Variants in SLC35F6 observed in about 807,000 individuals in gnomAD.
SLC35F6 encodes the protein solute carrier family 35 member F6.
Under a neutral mutation model 29.4 loss-of-function variants are expected in SLC35F6, and 26 were observed. That is an observed-to-expected ratio of 0.89 (90% CI 0.65 to 1.23). The LOEUF is 1.23. SLC35F6 is among the 50% of genes most tolerant of loss of function. SLC35F6 has a pLI of 0.00. For missense variants in SLC35F6, 428 were observed against 487.8 expected (o/e 0.88, Z 1.15); for synonymous variants, 174 against 206.6 (o/e 0.84, Z 1.35).
At chr2:26,771,831 C>G (rs1664201859) in intron 1 of SLC35F6, among the ~76,000 whole-genome samples, 1 of 151,968 alleles carries the variant, frequency 6.6e-6, no homozygotes, top group African/African-American at 2.4e-5. Flanking sequence ...AAGTGAGACT[C>G]CAGCCCATGA....
intron 1 of SLC35F6, among the ~76,000 whole-genome samples, chr2:26,772,210 G>A (rs947303535): frequency 6.6e-5 from 10 of 152,040 alleles, no homozygotes; most frequent in Admixed American, 6.5e-4. Flanking sequence ...CCCTAACTGC[G>A]GCACAACCAG....
Position 26,775,628 on chromosome 2 carries a change from C to A in SLC35F6, c.487C>A (p.Leu163Ile). 4 of 1,603,334 alleles carry A rather than the reference C, an allele frequency of 2.5e-6. No individual in the cohort carries two copies. Among genetic ancestry groups the A allele is most frequent in the Non-Finnish European group, 3.4e-6 (4 of 1,177,454 alleles). ...GCTGGTGGTCGTGGGCCTGGCTGAC[C>A]TCCTGAGCAAGCACGACAGTCAGCA... Reference protein sequence around the residue: ...AGLVVVGLADLLSKHDSQHKL... With the variant: ...AGLVVVGLADILSKHDSQHKL... The change falls in exon 4 of 6, where the codon CTC becomes ATC. Residue 163 changes from leucine (L) to isoleucine (I), a missense_variant. Transcript: ENST00000344420. The surrounding 1 kb of genome is among the most constrained non-coding windows in gnomAD (Gnocchi z 4.6).
Position 26,764,442 on chromosome 2 carries a change from G to T in SLC35F6, c.77+16G>T, listed in dbSNP as rs1438322415. On this transcript the variant is annotated intron_variant, in intron 1 of 5. Transcript: ENST00000344420. ...TCTCGGCAAAGTGAGTCTGGGCCCT[G>T]CCGGGCGTGCGGGCCCTGGCGACCC... 6.4e-7 allele frequency: 1 copy of T among 1,550,772 alleles called. No homozygotes were observed. Among genetic ancestry groups the T allele is most frequent in the Non-Finnish European group, 8.7e-7 (1 of 1,146,772 alleles).
chr2:26,775,742 A>G lies in SLC35F6; in HGVS notation c.535+66A>G, dbSNP rs1664287919. 1 of 1,466,750 alleles carries G rather than the reference A, an allele frequency of 6.8e-7. No homozygotes were observed. The highest frequency in any genetic ancestry group is 2.3e-5 in the Admixed American group (1 of 44,332). 90.9% of individuals were successfully genotyped at this position (1,466,750 alleles called of 1,614,324 possible). On this transcript the variant is annotated intron_variant, in intron 4 of 5. Coordinates refer to ENST00000344420, the MANE Select transcript of SLC35F6 (RefSeq NM_017877.4). The surrounding 1 kb of genome is among the most constrained non-coding windows in gnomAD (Gnocchi z 4.6). Reference sequence around the variant, plus strand: ...CCTGTCCTCCTTGGGAGCCCAGCACAGACTCATACAAGCTCTGCCATGTGC... The same window carrying G: ...CCTGTCCTCCTTGGGAGCCCAGCACGGACTCATACAAGCTCTGCCATGTGC...
At position 26,764,324 on chromosome 2, in the gene SLC35F6, T is replaced by C. The variant is rs753331655; in HGVS notation, c.-26T>C. 1.9e-6 allele frequency: 3 copies of C among 1,548,616 alleles called. No homozygotes were observed. Among genetic ancestry groups the C allele is most frequent in the South Asian group, 1.2e-5 (1 of 83,996 alleles). The stretch of plus-strand genomic sequence containing the variant: ...GGTGACGGGGCCCGGCGCCGCTAAC[T>C]GGAGCGAACCCCAGCGTCCGCCGAC... On this transcript the variant is annotated 5_prime_UTR_variant, in exon 1 of 6. Coordinates refer to ENST00000344420, the MANE Select transcript of SLC35F6 (RefSeq NM_017877.4).
intron 1 of SLC35F6, among the ~76,000 whole-genome samples, chr2:26,769,381 C>A: frequency 6.6e-6 from 1 of 152,214 alleles, no homozygotes; most frequent in East Asian, 1.9e-4. Context: ...AGGTCATCTC[C>A]CCTAGAATAC....
chr2:26,778,605 G>C lies in SLC35F6; in HGVS notation c.*94G>C. On this transcript the variant is annotated 3_prime_UTR_variant, in exon 6 of 6. Transcript: ENST00000344420. The stretch of plus-strand genomic sequence containing the variant: ...TGGGCCCCGAATGCCCTATCCCCAA[G>C]GCCTCACCCTGTCCCCTCCCTGCAG... 8.1e-7 allele frequency: 1 copy of C among 1,234,922 alleles called. No homozygotes were observed. Among genetic ancestry groups the C allele is most frequent in the Non-Finnish European group, 1.1e-6 (1 of 913,254 alleles). 76.5% of individuals were successfully genotyped at this position (1,234,922 alleles called of 1,614,324 possible).
chr2:26,764,643 G>C (rs2148053174), intron 1 of SLC35F6, among the ~76,000 whole-genome samples: 1 of 152,340 alleles, frequency 6.6e-6, no homozygotes, highest in Admixed American at 6.5e-5. Context: ...GCTTTGATTT[G>C]CTGTACAGCC....
rs370773237 is a variant in SLC35F6, at chr2:26,775,143, C to T, written c.250C>T (p.Gln84Ter). 6.2e-7 allele frequency: 1 copy of T among 1,614,148 alleles called. No individual in the cohort carries two copies. Among genetic ancestry groups the T allele is most frequent in the Non-Finnish European group, 8.5e-7 (1 of 1,180,026 alleles). Residue 84 changes from glutamine (Q) to a stop codon, truncating the protein, a stop_gained, in exon 3 of 6, where the codon CAG becomes TAG. Transcript: ENST00000344420. LOFTEE classifies it high-confidence loss of function. This position sits in a 1 kb window ranked among gnomAD's most constrained non-coding sequence, Gnocchi z 4.6. ...ATCAGACTCCAGCGTAGACCCCCAG[C>T]AGCCCTTCAACCCTCTTCTTTTCCT... is the stretch of plus-strand genomic sequence containing the variant. ...GQSDSSVDPQ[Q>*]PFNPLLFLPP...
rs1000838968 is a variant in SLC35F6, at chr2:26,764,475, C to G, written c.77+49C>G. On this transcript the variant is annotated intron_variant, in intron 1 of 5. Transcript: ENST00000344420. ...TGCGGGCCCTGGCGACCCCGGCGCT[C>G]GTTCTACGCCTTCCCCCTTCTTGGC... 7 of 1,543,718 alleles carry G rather than the reference C, an allele frequency of 4.5e-6. No homozygotes were observed. In the Admixed American group the frequency reaches 1.4e-4, roughly 30 times the overall value.
At chr2:26,768,062 G>A (rs571035265) in intron 1 of SLC35F6, among the ~76,000 whole-genome samples, 11 of 152,338 alleles carry the variant, frequency 7.2e-5, no homozygotes, top group Admixed American at 5.9e-4. Flanking sequence ...AGAGGTGTTT[G>A]CTCTTCTTCT....
chr2:26,778,666 A>C lies in SLC35F6; in HGVS notation c.*155A>C. The stretch of plus-strand genomic sequence containing the variant: ...GCAGCTGCTGCCACAGAAGATAACA[A>C]CACCCAAGTCCTCTTTTTCTCACTA... On this transcript the variant is annotated 3_prime_UTR_variant, in exon 6 of 6. Transcript: ENST00000344420. The C allele has an allele frequency of 7.2e-6, 5 of 692,290 alleles. No individual in the cohort carries two copies. Among genetic ancestry groups the C allele is most frequent in the Non-Finnish European group, 1.2e-5 (5 of 425,552 alleles). 42.9% of individuals were successfully genotyped at this position (692,290 alleles called of 1,614,324 possible).
At chr2:26,772,430 G>A (rs1480909669) in intron 1 of SLC35F6, among the ~76,000 whole-genome samples, 1 of 152,264 alleles carries the variant, frequency 6.6e-6, no homozygotes, top group Non-Finnish European at 1.5e-5. Flanking sequence ...TGCCTATGCA[G>A]GATATGCTGC....
chr2:26,766,715 C>A (rs746597442), intron 1 of SLC35F6, among the ~76,000 whole-genome samples: 16 of 152,314 alleles, frequency 1.1e-4, no homozygotes, highest in Non-Finnish European at 1.9e-4. Flanking sequence ...ACCTCGCATG[C>A]CCCAGGCCCT....
In SLC35F6 at chr2:26,778,754, TC is replaced by T. The variant is rs1664354201; in HGVS notation, c.*244del. The T allele has an allele frequency of 9.7e-6, 5 of 513,418 alleles. No homozygotes were observed. Among genetic ancestry groups the T allele is most frequent in the Non-Finnish European group, 1.0e-5 (3 of 290,356 alleles). The allele number at this position is 513,418 out of a possible 1,614,324, so 31.8% of individuals were successfully genotyped here. On this transcript the variant is annotated 3_prime_UTR_variant, in exon 6 of 6. Coordinates refer to ENST00000344420, the MANE Select transcript of SLC35F6 (RefSeq NM_017877.4). ...TGAGTGCAGTGGCAGACCTCAGCTC[TC>T]TGGACCCCTCCTACAGCACTAGAGC...
intron 5 of SLC35F6, among the ~76,000 whole-genome samples, chr2:26,777,307 T>G (rs1466143590): frequency 6.6e-6 from 1 of 152,194 alleles, no homozygotes; most frequent in African/African-American, 2.4e-5. Context: ...GCAAGTAGAT[T>G]TAGACTTTAA....
At chr2:26,770,452 T>C (rs1664177186) in intron 1 of SLC35F6, among the ~76,000 whole-genome samples, 1 of 152,010 alleles carries the variant, frequency 6.6e-6, no homozygotes, top group Non-Finnish European at 1.5e-5. Flanking sequence ...ACGCAGAGGC[T>C]TATACCTGTA....
At chr2:26,776,193 C>T (rs1664297345) in intron 4 of SLC35F6, among the ~76,000 whole-genome samples, 179 bp from the exon 5 acceptor site, 1 of 152,212 alleles carries the variant, frequency 6.6e-6, no homozygotes, top group South Asian at 2.1e-4. Context: ...TAGCCTGGCA[C>T]TGCTGGCATG....
intron 1 of SLC35F6, among the ~76,000 whole-genome samples, chr2:26,765,889 C>T (rs1331514894): frequency 6.6e-6 from 1 of 152,198 alleles, no homozygotes; most frequent in Non-Finnish European, 1.5e-5. Flanking sequence ...TCATGCCAGC[C>T]AGGGCCTCTG....
Sources: gnomAD v4.1 joint callset for allele counts (sites outside exome capture counted in the v4.1 genomes callset) on GRCh38, gnomAD v4.1.1 for gene constraint, Gnocchi (gnomAD v3.1) non-coding constraint, MANE v1.5 for transcripts, NCBI Gene and HGNC (gene_info 2026-07-23, HGNC 2026-07-21) for gene names.